The following SNX29 variants were observed in gnomAD, a reference collection of about 807,000 sequenced individuals.
The protein encoded by SNX29 is sorting nexin-29.
SNX29 carries 78 observed loss-of-function variants against 102.1 expected under a neutral mutation model. The ratio of observed to expected loss-of-function variants is 0.76; its 90% confidence interval spans 0.64 to 0.92. The LOEUF is 0.92. Ranked by LOEUF, SNX29 falls within the 40% of genes least tolerant of loss-of-function variation. SNX29 has a pLI of 0.00. For synonymous variants in SNX29, 580 were observed against 414.5 expected (o/e 1.40, Z -4.85); for missense variants, 1,280 against 1,061.7 (o/e 1.21, Z -2.86).
chr16:12,071,695 C>T (rs1035365764), intron 10 of SNX29, among the ~76,000 whole-genome samples: 1 of 151,924 alleles, frequency 6.6e-6, no homozygotes, highest in Non-Finnish European at 1.5e-5. Flanking sequence ...TAGTTTTTTT[C>T]CAATTTGTGA....
chr16:12,442,928 T>A (rs143150232), intron 18 of SNX29: 117 of 444,982 alleles, frequency 2.6e-4, no homozygotes, highest in African/African-American at 1.8e-3. Flanking sequence ...GGTTTGACAC[T>A]GAACTTTGAA....
chr16:12,235,785 T>TTGTGTGTG (rs71408254), intron 14 of SNX29, among the ~76,000 whole-genome samples: 30 of 148,046 alleles, frequency 2.0e-4, no homozygotes, highest in African/African-American at 7.1e-4. Context: ...GGGTTGTAAA[T>TTGTGTGTG]TGTGTGTGTG....
intron 20 of SNX29, among the ~76,000 whole-genome samples, chr16:12,548,124 G>A (rs1259295317): frequency 6.6e-6 from 1 of 152,218 alleles, no homozygotes; most frequent in African/African-American, 2.4e-5. Flanking sequence ...CTTGGGACAA[G>A]TAGGAATTTT....
chr16:12,040,281 G>C (rs2049826024), intron 4 of SNX29, among the ~76,000 whole-genome samples: 1 of 152,162 alleles, frequency 6.6e-6, no homozygotes, highest in African/African-American at 2.4e-5. Flanking sequence ...GGGAGGCTGA[G>C]ACAGGAGGAT....
At chr16:12,082,153 C>T (rs1032342029) in intron 11 of SNX29, among the ~76,000 whole-genome samples, 5 of 151,714 alleles carry the variant, frequency 3.3e-5, no homozygotes, top group Non-Finnish European at 7.4e-5. Context: ...AGACTTGACT[C>T]TGGCTGTGAG....
intron 16 of SNX29, among the ~76,000 whole-genome samples, chr16:12,362,569 C>CCCCCCG (rs1567479776): frequency 2.7e-5 from 2 of 75,420 alleles, no homozygotes; most frequent in African/African-American, 9.1e-5. Flanking sequence ...CCCACCCCCC[C>CCCCCCG]CCCCACCAGT....
At chr16:12,554,927 G>A (rs2078231724) in intron 20 of SNX29, among the ~76,000 whole-genome samples, 1 of 151,796 alleles carries the variant, frequency 6.6e-6, no homozygotes, top group African/African-American at 2.4e-5. Context: ...GCTGAGGAGG[G>A]CAGCAAGCAC....
rs1391792580 is a variant in SNX29, at chr16:12,571,826, C to T, written c.*3197C>T. On this transcript the variant is annotated 3_prime_UTR_variant, in exon 21 of 21. Coordinates refer to ENST00000566228, the MANE Select transcript of SNX29 (RefSeq NM_032167.5). ...TGTGAAATTCCAGCTTCTTTGATTC[C>T]CACTTAGCAGTATGCTCCAATCACG... The T allele has an allele frequency of 2.9e-6, 3 of 1,041,338 alleles. No individual in the cohort carries two copies. The highest frequency in any genetic ancestry group is 5.4e-5 in the Admixed American group (1 of 18,578). The allele number at this position is 1,041,338 out of a possible 1,614,324, so 64.5% of individuals were successfully genotyped here.
At chr16:12,568,294 G>C (rs1399475558) in intron 20 of SNX29, among the ~76,000 whole-genome samples, 2 of 85,056 alleles carry the variant, frequency 2.4e-5, no homozygotes, top group Non-Finnish European at 5.0e-5. Context: ...TTGGAGCCTC[G>C]GAGTGCTGTT....
rs562097050 is a variant in SNX29, at chr16:12,570,032, G to C, written c.*1403G>C. The C allele has an allele frequency of 2.6e-6, 1 of 379,120 alleles. No homozygotes were observed. The highest frequency in any genetic ancestry group is 4.0e-6 in the Non-Finnish European group (1 of 252,088). The allele number at this position is 379,120 out of a possible 1,614,324, so 23.5% of individuals were successfully genotyped here. On this transcript the variant is annotated 3_prime_UTR_variant, in exon 21 of 21. Transcript: ENST00000566228. ...TGAGAACTGCCCAGGTGAGCATGGA[G>C]CATCTCCTAGGCTCGAGGACATCTC...
At position 12,568,895 on chromosome 16, in the gene SNX29, C is replaced by CA. The variant is rs938410195; in HGVS notation, c.*268dup. The CA allele has an allele frequency of 2.0e-6, 1 of 502,804 alleles. No individual in the cohort carries two copies. The highest frequency in any genetic ancestry group is 1.9e-5 in the African/African-American group (1 of 51,344). 31.1% of individuals were successfully genotyped at this position (502,804 alleles called of 1,614,324 possible). On this transcript the variant is annotated 3_prime_UTR_variant, in exon 21 of 21. Transcript: ENST00000566228. ...TGCTTCTGGGGTCTACCCTGGGCTG[C>CA]AAGGGCTGTTCCTCCACCTTTCTGT...
At chr16:12,129,876 G>A (rs889771645) in intron 13 of SNX29, 118 bp downstream of exon 13, 23 of 1,249,152 alleles carry the variant, frequency 1.8e-5, no homozygotes, top group African/African-American at 1.8e-4. Flanking sequence ...AGGCCAAGGC[G>A]GGTGGATCAT....
chr16:12,165,921 T>C (rs1218674214), intron 13 of SNX29, among the ~76,000 whole-genome samples: 2 of 152,248 alleles, frequency 1.3e-5, no homozygotes, highest in Admixed American at 1.3e-4. Flanking sequence ...ACACTAGCCA[T>C]GTGACCTTGG....
chr16:12,565,449 C>T (rs980034716), intron 20 of SNX29, among the ~76,000 whole-genome samples: 4 of 152,200 alleles, frequency 2.6e-5, no homozygotes, highest in Admixed American at 1.3e-4. Context: ...CCTGCCCCCT[C>T]CTCATCCTGG....
chr16:12,396,277 C>G (rs573837221), intron 16 of SNX29, among the ~76,000 whole-genome samples: 2 of 152,288 alleles, frequency 1.3e-5, no homozygotes, highest in African/African-American at 4.8e-5. Context: ...AAAAATCTGC[C>G]TTGTCTTTCA....
intron 15 of SNX29, among the ~76,000 whole-genome samples, chr16:12,289,570 A>G (rs150724598): frequency 2.0e-5 from 3 of 151,972 alleles, no homozygotes; most frequent in Non-Finnish European, 4.4e-5. Flanking sequence ...TTTCGCTTCC[A>G]TTTCTGCTGA....
chr16:11,992,537 G>A (rs1455524779), intron 1 of SNX29, among the ~76,000 whole-genome samples: 1 of 149,732 alleles, frequency 6.7e-6, no homozygotes, highest in Non-Finnish European at 1.5e-5. Context: ...GAATTTACCT[G>A]TTCTGTCCTT....
At chr16:12,167,173 C>G (rs977113910) in intron 13 of SNX29, among the ~76,000 whole-genome samples, 1 of 152,172 alleles carries the variant, frequency 6.6e-6, no homozygotes, top group Non-Finnish European at 1.5e-5. Flanking sequence ...GGTCGTTCTT[C>G]CCATTTGGAA....
intron 1 of SNX29, among the ~76,000 whole-genome samples, chr16:11,991,032 C>T (rs984246152): frequency 1.1e-4 from 16 of 152,116 alleles, no homozygotes; most frequent in Non-Finnish European, 1.9e-4. Context: ...ATATTGACTG[C>T]GGGACTCTTT....
Sources: allele counts gnomAD v4.1 joint callset (sites outside exome capture counted in the v4.1 genomes callset), GRCh38; gene constraint gnomAD v4.1.1; transcripts MANE v1.5; gene names NCBI Gene and HGNC (gene_info 2026-07-23, HGNC 2026-07-21).